Variants in PLD1 observed in about 807,000 individuals in gnomAD.
PLD1 encodes phospholipase D1.
In PLD1, 112 loss-of-function variants were observed where a neutral mutation model predicts 137.1. That is an observed-to-expected ratio of 0.82 (90% CI 0.70 to 0.96). The LOEUF is 0.96. Among genes scored for constraint, PLD1 ranks in the 40% least tolerant of loss-of-function variants. The probability of loss-of-function intolerance (pLI) is 0.00; values close to 1 mark genes in which losing one functional copy is unlikely to be tolerated. For synonymous variants in PLD1, 431 were observed against 454.7 expected (o/e 0.95, Z 0.66); for missense variants, 1,321 against 1,342.0 (o/e 0.98, Z 0.24).
At chr3:171,638,058 G>A (rs145291047) in intron 23 of PLD1, among the ~76,000 whole-genome samples, 28 of 152,128 alleles carry the variant, frequency 1.8e-4, no homozygotes, top group African/African-American at 5.8e-4. Flanking sequence ...GGCGATGGGC[G>A]CCTGCAGTCC....
intron 23 of PLD1, among the ~76,000 whole-genome samples, chr3:171,638,487 T>C (rs564317844): frequency 6.6e-6 from 1 of 152,358 alleles, no homozygotes; most frequent in South Asian, 2.1e-4. Flanking sequence ...AATGTCATTA[T>C]GCAACACATA....
chr3:171,801,962 A>G (rs1723666979), intron 1 of PLD1, among the ~76,000 whole-genome samples: 1 of 152,262 alleles, frequency 6.6e-6, no homozygotes, highest in Admixed American at 6.5e-5. Context: ...GACAGGAGGC[A>G]TTCACATAGA....
intron 25 of PLD1, among the ~76,000 whole-genome samples, chr3:171,606,929 C>A (rs1034526974): frequency 2.6e-5 from 4 of 152,128 alleles, no homozygotes; most frequent in African/African-American, 4.8e-5. Flanking sequence ...CAAATTACTG[C>A]AAGAAAGGCT....
In PLD1 at chr3:171,697,237, CTTTTTTTTTTTT is replaced by C. The variant is rs34340739; in HGVS notation, c.1227+2496_1227+2507del. On this transcript the variant is annotated intron_variant, in intron 12 of 26. Transcript: ENST00000351298. The stretch of plus-strand genomic sequence containing the variant: ...ACTATCAGAGTCACCTTCCGGACAC[CTTTTTTTTTTTT>C]TTTTTTTTTTTTTGAAACAGAGTCT... Among the ~76,000 whole-genome samples, 8 of 97,318 alleles carry C rather than the reference CTTTTTTTTTTTT, an allele frequency of 8.2e-5. 1 individual carries two copies. The highest frequency in any genetic ancestry group is 3.8e-4 in the South Asian group (1 of 2,654). The allele number at this position is 97,318 out of a possible 152,430, so 63.8% of individuals were successfully genotyped here. A position where few individuals can be genotyped will look rare whatever the true frequency, so the allele number is the denominator to read the frequency against.
intron 13 of PLD1, 27 bp downstream of exon 13, chr3:171,692,305 A>T: frequency 9.6e-7 from 1 of 1,037,902 alleles, no homozygotes; most frequent in East Asian, 2.4e-5. Context: ...ATAAAGAAAC[A>T]TTGGTTATCA....
intron 9 of PLD1, among the ~76,000 whole-genome samples, chr3:171,712,077 G>A (rs898138361): frequency 1.3e-5 from 2 of 152,154 alleles, no homozygotes; most frequent in Non-Finnish European, 2.9e-5. Context: ...TGAGACGCAG[G>A]GAAGGGGGCT....
intron 21 of PLD1, 35 bp downstream of exon 21, chr3:171,659,178 A>G: frequency 7.6e-7 from 1 of 1,309,128 alleles, no homozygotes; most frequent in Non-Finnish European, 1.1e-6. Flanking sequence ...ATACAAGAAC[A>G]TCTGCAGCGA....
intron 8 of PLD1, among the ~76,000 whole-genome samples, chr3:171,715,246 C>T (rs1393669702): frequency 2.0e-5 from 3 of 152,074 alleles, no homozygotes; most frequent in African/African-American, 7.2e-5. Flanking sequence ...TTGATGCCCT[C>T]GGAAAAATCA....
At chr3:171,683,935 T>C (rs984248626) in intron 16 of PLD1, among the ~76,000 whole-genome samples, 6 of 152,242 alleles carry the variant, frequency 3.9e-5, no homozygotes, top group Non-Finnish European at 8.8e-5. Flanking sequence ...ATGAACCATT[T>C]GTTACCATTC....
intron 1 of PLD1, among the ~76,000 whole-genome samples, chr3:171,784,321 G>T (rs1465963945): frequency 1.4e-5 from 2 of 146,766 alleles, no homozygotes; most frequent in East Asian, 2.0e-4. Context: ...TATTTCAAGA[G>T]AATTTATTTT....
intron 1 of PLD1, among the ~76,000 whole-genome samples, chr3:171,803,924 T>TA (rs35045352): frequency 5.0e-4 from 76 of 152,290 alleles, no homozygotes; most frequent in Non-Finnish European, 9.4e-4. Context: ...TATTATCTTT[T>TA]AAAAATAGTT....
intron 1 of PLD1, among the ~76,000 whole-genome samples, chr3:171,764,830 AG>A (rs1560287873): frequency 3.7e-3 from 27 of 7,302 alleles, no homozygotes; most frequent in African/African-American, 0.012. Context: ...AGAAAGAGAA[AG>A]AAAGAAAGAA....
chr3:171,776,197 C>T (rs6774594), intron 1 of PLD1, among the ~76,000 whole-genome samples: 5,913 of 152,256 alleles, frequency 0.039, 262 homozygotes, highest in African/African-American at 0.1. Context: ...CTCAGCACTG[C>T]GCCAGTGCTG....
intron 12 of PLD1, among the ~76,000 whole-genome samples, chr3:171,695,051 G>A (rs980135042): frequency 1.3e-5 from 2 of 152,160 alleles, no homozygotes; most frequent in African/African-American, 4.8e-5. Context: ...AGATTCCTGT[G>A]ATAATAAAGC....
chr3:171,632,153 G>A (rs980448383), intron 23 of PLD1, among the ~76,000 whole-genome samples: 16 of 152,044 alleles, frequency 1.1e-4, no homozygotes, highest in African/African-American at 3.9e-4. Flanking sequence ...CTCCAAAAAA[G>A]CATAAGCTAA....
At chr3:171,799,506 A>C (rs1723564599) in intron 1 of PLD1, among the ~76,000 whole-genome samples, 1 of 152,140 alleles carries the variant, frequency 6.6e-6, no homozygotes, top group South Asian at 2.1e-4. Flanking sequence ...TGACATACAA[A>C]AGAAAATCTA....
intron 23 of PLD1, among the ~76,000 whole-genome samples, chr3:171,640,388 T>C (rs1735635566): frequency 6.6e-6 from 1 of 152,196 alleles, no homozygotes; most frequent in Non-Finnish European, 1.5e-5. Flanking sequence ...TCTCAAAATA[T>C]TTTCTACTCT....
chr3:171,737,859 C>A, intron 2 of PLD1, 33 bp downstream of exon 2: 1 of 1,589,048 alleles, frequency 6.3e-7, no homozygotes, highest in Non-Finnish European at 8.5e-7. Flanking sequence ...GAGATAAACT[C>A]TTTTCTTCCC....
intron 25 of PLD1, among the ~76,000 whole-genome samples, chr3:171,605,871 T>C (rs1398293867): frequency 1.3e-5 from 2 of 152,194 alleles, no homozygotes; most frequent in South Asian, 2.1e-4. Context: ...GCTGAAATAA[T>C]ACCAAGAAGA....
Sources: allele counts gnomAD v4.1 joint callset (sites outside exome capture counted in the v4.1 genomes callset), GRCh38; gene constraint gnomAD v4.1.1; transcripts MANE v1.5; gene names NCBI Gene and HGNC (gene_info 2026-07-23, HGNC 2026-07-21).